Variants in SEL1L3 observed in about 807,000 individuals in gnomAD.
SEL1L3 encodes the protein protein sel-1 homolog 3.
Under a neutral mutation model 142.8 loss-of-function variants are expected in SEL1L3, and 76 were observed. The ratio of observed to expected loss-of-function variants is 0.53; its 90% CI spans 0.44 to 0.64. SEL1L3 has a LOEUF of 0.64. Among genes scored for constraint, SEL1L3 ranks in the 30% least tolerant of loss-of-function variants. The pLI, the probability that SEL1L3 is intolerant of heterozygous loss-of-function variation, is 0.00. For missense variants in SEL1L3, 1,262 were observed against 1,381.7 expected, an observed-to-expected ratio of 0.91 and a Z score of 1.37; for synonymous variants, 504 against 519.6, an observed-to-expected ratio of 0.97 and a Z score of 0.41.
intron 2 of SEL1L3, among the ~76,000 whole-genome samples, chr4:25,840,278 T>C (rs1332048347): frequency 1.8e-4 from 27 of 152,136 alleles, no homozygotes; most frequent in Admixed American, 1.8e-3. Flanking sequence ...CAGACTACCA[T>C]GATTAACTGG....
At chr4:25,816,146 ATATATTATATATG>A (rs1714378198) in intron 9 of SEL1L3, among the ~76,000 whole-genome samples, 2 of 147,312 alleles carry the variant, frequency 1.4e-5, no homozygotes, top group Admixed American at 1.4e-4. Flanking sequence ...TATAATATAC[ATATATTATATATG>A]TATATTATAT....
chr4:25,789,734 A>G (rs1237620841), intron 12 of SEL1L3, among the ~76,000 whole-genome samples: 2 of 152,116 alleles, frequency 1.3e-5, no homozygotes, highest in African/African-American at 2.4e-5. Flanking sequence ...CACAGGGAGC[A>G]CTAAGCCAAA....
chr4:25,746,507 AATAT>A (rs141668402), downstream of SEL1L3, among the ~76,000 whole-genome samples: 48 of 101,540 alleles, frequency 4.7e-4, no homozygotes, highest in South Asian at 2.7e-3. Context: ...ATATTATCTA[AATAT>A]ATATATATAT....
At chr4:25,799,161 G>A (rs559779601) in intron 11 of SEL1L3, among the ~76,000 whole-genome samples, 2 of 152,124 alleles carry the variant, frequency 1.3e-5, no homozygotes, top group African/African-American at 2.4e-5. Flanking sequence ...TACAGCCTCC[G>A]CCTCCTAGGT....
chr4:25,715,561 T>C, the SEL1L3 span, among the ~76,000 whole-genome samples: 3 of 152,036 alleles, frequency 2.0e-5, no homozygotes, highest in Non-Finnish European at 4.4e-5. Flanking sequence ...GCCATTTCCA[T>C]ATCTAAAAAT....
chr4:25,764,396 T>C (rs1718581047), intron 20 of SEL1L3, among the ~76,000 whole-genome samples: 1 of 152,194 alleles, frequency 6.6e-6, no homozygotes, highest in Non-Finnish European at 1.5e-5. Flanking sequence ...AACATTAATA[T>C]CTTAGTTTGA....
At chr4:25,723,760 C>T in the SEL1L3 span, among the ~76,000 whole-genome samples, 1 of 152,138 alleles carries the variant, frequency 6.6e-6, no homozygotes, top group South Asian at 2.1e-4. Context: ...TGCCAGGGCC[C>T]CACTCTAAGT....
chr4:25,843,543 C>A (rs1282887288), intron 2 of SEL1L3, among the ~76,000 whole-genome samples: 1 of 152,184 alleles, frequency 6.6e-6, no homozygotes, highest in African/African-American at 2.4e-5. Flanking sequence ...TCTGTGACTC[C>A]AGCGTGAGTC....
At chr4:25,770,314 A>G (rs1456376766) in intron 17 of SEL1L3, 1 of 152,190 alleles carries the variant, frequency 6.6e-6, no homozygotes, top group Non-Finnish European at 1.5e-5. Flanking sequence ...ATAGACTTCT[A>G]TCGTCCAATC....
the SEL1L3 span, among the ~76,000 whole-genome samples, chr4:25,728,621 C>T: frequency 6.6e-6 from 1 of 152,054 alleles, no homozygotes; most frequent in South Asian, 2.1e-4. Flanking sequence ...CAGTCATTCC[C>T]CTTGTGAAAT....
At chr4:25,739,576 G>A in the SEL1L3 span, among the ~76,000 whole-genome samples, 4 of 151,884 alleles carry the variant, frequency 2.6e-5, no homozygotes, top group South Asian at 8.3e-4. Context: ...ATGGTGGCAC[G>A]CGCCTGTAGT....
intron 16 of SEL1L3, among the ~76,000 whole-genome samples, chr4:25,776,878 AAG>A (rs1345887631): frequency 6.6e-6 from 1 of 152,076 alleles, no homozygotes; most frequent in East Asian, 1.9e-4. Flanking sequence ...AGGGTAAGAA[AAG>A]AGATTAAAAA....
chr4:25,843,715 T>A (rs948765586), intron 2 of SEL1L3, among the ~76,000 whole-genome samples: 3 of 152,246 alleles, frequency 2.0e-5, no homozygotes, highest in African/African-American at 7.2e-5. Context: ...GGCCGAGTCG[T>A]GGCACACACG....
chr4:25,735,141 A>T, the SEL1L3 span, among the ~76,000 whole-genome samples: 2 of 152,170 alleles, frequency 1.3e-5, no homozygotes, highest in Non-Finnish European at 2.9e-5. Context: ...TTTTAGGAAA[A>T]GATTTTCATA....
downstream of SEL1L3, among the ~76,000 whole-genome samples, chr4:25,746,940 G>A (rs377594638): frequency 1.3e-5 from 2 of 152,112 alleles, no homozygotes; most frequent in East Asian, 3.9e-4. Flanking sequence ...CCAAGAGGTA[G>A]TTTTCATCGC....
intron 20 of SEL1L3, among the ~76,000 whole-genome samples, chr4:25,763,771 C>T (rs1488537425): frequency 6.6e-6 from 1 of 152,080 alleles, no homozygotes; most frequent in East Asian, 1.9e-4. Flanking sequence ...GCCTGGGGGA[C>T]CAAGGCTGCA....
the SEL1L3 span, among the ~76,000 whole-genome samples, chr4:25,724,049 T>A: frequency 6.6e-6 from 1 of 152,220 alleles, no homozygotes; most frequent in East Asian, 1.9e-4. Flanking sequence ...CACAGCCCGG[T>A]AGGGCCCCAG....
chr4:25,765,470 TG>T (rs773046866), intron 19 of SEL1L3, 35 bp from the exon 20 acceptor site: 15 of 1,417,150 alleles, frequency 1.1e-5, no homozygotes, highest in Non-Finnish European at 1.4e-5. Context: ...ATTTGTCAAG[TG>T]GTTTTTTTTA....
chr4:25,746,219 T>TA, downstream of SEL1L3, among the ~76,000 whole-genome samples: 1 of 151,798 alleles, frequency 6.6e-6, no homozygotes, highest in East Asian at 1.9e-4. Context: ...AAAATAAAAA[T>TA]AAAAAAGCAT....
Sources: allele counts gnomAD v4.1 joint callset (sites outside exome capture counted in the v4.1 genomes callset), GRCh38; gene constraint gnomAD v4.1.1; transcripts MANE v1.5; gene names NCBI Gene and HGNC (gene_info 2026-07-23, HGNC 2026-07-21).